Variants in SLC8A1 observed in about 807,000 individuals in gnomAD.
The protein encoded by SLC8A1 is solute carrier family 8 member A1.
Under a neutral mutation model 68.3 loss-of-function variants are expected in SLC8A1, and 18 were observed. The observed-to-expected ratio is 0.26, with a 90% CI of 0.18 to 0.39. The LOEUF (loss-of-function observed/expected upper bound fraction) is 0.39. Ranked by LOEUF, SLC8A1 falls within the 10% of genes least tolerant of loss-of-function variation. SLC8A1 has a pLI of 1.00. For synonymous variants in SLC8A1, 475 were observed against 415.5 expected, an observed-to-expected ratio of 1.14 and a Z score of -1.74; for missense variants, 985 against 1,156.7, an observed-to-expected ratio of 0.85 and a Z score of 2.15.
chr2:40,427,508 C>T (rs916622220), intron 2 of SLC8A1, among the ~76,000 whole-genome samples: 6 of 152,066 alleles, frequency 3.9e-5, no homozygotes, highest in Non-Finnish European at 4.4e-5. Flanking sequence ...CCCTCTCTCC[C>T]TCCCTCCTTT....
At position 40,202,746 on chromosome 2, in the gene SLC8A1, T is replaced by C. The variant is rs558823062; in HGVS notation, c.1809-24891A>G. 5.9e-5 allele frequency among the ~76,000 whole-genome samples: 9 copies of C among 152,112 alleles called. No individual in the cohort carries two copies. In the South Asian group the frequency reaches 1.9e-3, roughly 31 times the overall value. ...GGAGAGACCTACTTCCTGGTGTCAA[T>C]GAAATTACAGCTCTAAAGAGCCAAT... On this transcript the variant is annotated intron_variant, in intron 2 of 7. Transcript: ENST00000406785.
chr2:40,306,226 G>T (rs1353416459), intron 2 of SLC8A1, among the ~76,000 whole-genome samples: 1 of 152,228 alleles, frequency 6.6e-6, no homozygotes, highest in African/African-American at 2.4e-5. Context: ...GAATGCTCAT[G>T]TCGAGCAGCA....
intron 2 of SLC8A1, among the ~76,000 whole-genome samples, chr2:40,414,330 G>A (rs1292926243): frequency 6.6e-6 from 1 of 152,168 alleles, no homozygotes; most frequent in Non-Finnish European, 1.5e-5. Flanking sequence ...AGCCATATAT[G>A]AGGTCCCTCA....
intron 2 of SLC8A1, among the ~76,000 whole-genome samples, chr2:40,290,195 T>A (rs1344863266): frequency 2.6e-5 from 4 of 151,218 alleles, no homozygotes; most frequent in African/African-American, 7.3e-5. Flanking sequence ...CCTTGCAAGG[T>A]GCCTGGATGA....
intron 7 of SLC8A1, among the ~76,000 whole-genome samples, chr2:40,122,303 C>T (rs1182247594): frequency 3.3e-5 from 5 of 151,896 alleles, no homozygotes; most frequent in African/African-American, 1.2e-4. Context: ...AAGTGAAGTT[C>T]AAGAGGTAAC....
chr2:40,262,565 G>C (rs962361680), intron 2 of SLC8A1, among the ~76,000 whole-genome samples: 4 of 152,152 alleles, frequency 2.6e-5, no homozygotes, highest in Non-Finnish European at 5.9e-5. Context: ...TTGAAGCCAT[G>C]ATATAGAAAC....
At chr2:40,261,228 G>C (rs1574869966) in intron 2 of SLC8A1, among the ~76,000 whole-genome samples, 1 of 152,284 alleles carries the variant, frequency 6.6e-6, no homozygotes, top group South Asian at 2.1e-4. Flanking sequence ...AGTCCCTGTG[G>C]AGTCTCTTCC....
chr2:40,302,753 C>G (rs1392089234), intron 2 of SLC8A1, among the ~76,000 whole-genome samples: 1 of 151,982 alleles, frequency 6.6e-6, no homozygotes, highest in Non-Finnish European at 1.5e-5. Context: ...TGGGAAAATA[C>G]CCAGGAGTGG....
At chr2:40,407,589 G>T (rs925186096) in intron 2 of SLC8A1, among the ~76,000 whole-genome samples, 1 of 152,058 alleles carries the variant, frequency 6.6e-6, no homozygotes, top group African/African-American at 2.4e-5. Flanking sequence ...CAGGTCCTCT[G>T]TCCTGAAAGA....
intron 2 of SLC8A1, among the ~76,000 whole-genome samples, chr2:40,404,572 C>G (rs2149672938): frequency 6.6e-6 from 1 of 152,264 alleles, no homozygotes; most frequent in South Asian, 2.1e-4. Context: ...ACTAATGAAT[C>G]ATCATTTTCT....
rs72936408 is a variant in SLC8A1, at chr2:40,503,589, A to G, written c.-25+8760T>C. Among the ~76,000 whole-genome samples, 1,198 of 152,170 alleles carry G rather than the reference A, an allele frequency of 7.9e-3. 18 individuals are homozygous for G. The highest frequency in any genetic ancestry group is 0.027 in the African/African-American group (1,140 of 41,544). ...ACTCCACATGAAAGCTATTCAACTGATAAACAAATTTAGTAAAGTTGCAAG... is the reference window on the plus strand; with the variant it reads ...ACTCCACATGAAAGCTATTCAACTGGTAAACAAATTTAGTAAAGTTGCAAG... On this transcript the variant is annotated intron_variant, in intron 1 of 7. Coordinates refer to the SLC8A1 transcript ENST00000402441.
chr2:40,232,997 A>G (rs979299443), intron 2 of SLC8A1, among the ~76,000 whole-genome samples: 16 of 151,590 alleles, frequency 1.1e-4, no homozygotes, highest in Non-Finnish European at 1.5e-4. Flanking sequence ...CCAGTCTATC[A>G]TTGTTGGACA....
chr2:40,212,946 G>A (rs1233945344), intron 2 of SLC8A1, among the ~76,000 whole-genome samples: 1 of 152,136 alleles, frequency 6.6e-6, no homozygotes, highest in Non-Finnish European at 1.5e-5. Flanking sequence ...GCTAAGTCAG[G>A]GCCAGAAGTT....
At chr2:40,271,858 ATTATT>A (rs2066072797) in intron 2 of SLC8A1, among the ~76,000 whole-genome samples, 1 of 151,844 alleles carries the variant, frequency 6.6e-6, no homozygotes. Context: ...GTTTATTTTT[ATTATT>A]TTATTTATTT....
intron 1 of SLC8A1, among the ~76,000 whole-genome samples, chr2:40,460,872 T>G (rs1703301320): frequency 6.6e-6 from 1 of 151,660 alleles, no homozygotes; most frequent in Non-Finnish European, 1.5e-5. Context: ...CGCACCTGAC[T>G]ATAAGGATTT....
chr2:40,335,917 A>G (rs1209945577), intron 2 of SLC8A1, among the ~76,000 whole-genome samples: 1 of 152,220 alleles, frequency 6.6e-6, no homozygotes, highest in Admixed American at 6.5e-5. Flanking sequence ...AAAGCACTAC[A>G]CTGCTAGTTG....
rs181070421 is a variant in SLC8A1, at chr2:40,228,195, G to C, written c.1809-50340C>G. Among the ~76,000 whole-genome samples the C allele has an allele frequency of 5.9e-5, 9 of 152,272 alleles. No homozygotes were observed. In the East Asian group the frequency reaches 1.4e-3, roughly 23 times the overall value. Reference sequence around the variant, plus strand: ...AGTCATCCCATATATTTTCATTGCAGTGTAAAGGTTACCCAAGCTTTGACA... The same window carrying C: ...AGTCATCCCATATATTTTCATTGCACTGTAAAGGTTACCCAAGCTTTGACA... On this transcript the variant is annotated intron_variant, in intron 2 of 7. Transcript: ENST00000406785.
rs577490144 is a variant in SLC8A1, at chr2:40,121,537, T to A, written c.2438-5908A>T. 3.9e-5 allele frequency among the ~76,000 whole-genome samples: 6 copies of A among 152,292 alleles called. No individual in the cohort carries two copies. In the South Asian group the frequency reaches 1.0e-3, roughly 26 times the overall value. The stretch of plus-strand genomic sequence containing the variant: ...CAATATGGTTATTCTCCTATTTTTT[T>A]AAACCCTATTCCAGCTACCCTAAAA... On this transcript the variant is annotated intron_variant, in intron 7 of 7. Coordinates refer to ENST00000406785, the Ensembl canonical transcript of SLC8A1.
At chr2:40,398,771 C>T (rs948362449) in intron 2 of SLC8A1, among the ~76,000 whole-genome samples, 1 of 152,076 alleles carries the variant, frequency 6.6e-6, no homozygotes, top group Non-Finnish European at 1.5e-5. Flanking sequence ...TGTTTTGAAT[C>T]TTCTGCTGTT....
Sources: gnomAD v4.1 joint callset for allele counts (sites outside exome capture counted in the v4.1 genomes callset) on GRCh38, gnomAD v4.1.1 for gene constraint, MANE v1.5 for transcripts, NCBI Gene and HGNC (gene_info 2026-07-23, HGNC 2026-07-21) for gene names.